The following GNPDA2 variants were observed in gnomAD, a reference collection of about 807,000 sequenced individuals.
GNPDA2 encodes glucosamine-6-phosphate deaminase 2.
In GNPDA2, 24 loss-of-function variants were observed where a neutral mutation model predicts 27.0. That is an observed-to-expected ratio of 0.89 (90% CI 0.64 to 1.25). The LOEUF (loss-of-function observed/expected upper bound fraction) is 1.25. GNPDA2 is among the 50% of genes most tolerant of loss of function. The pLI is 0.00. For missense variants in GNPDA2, 286 were observed against 335.1 expected (o/e 0.85, Z 1.14); for synonymous variants, 94 against 108.4 (o/e 0.87, Z 0.83).
intron 4 of GNPDA2, among the ~76,000 whole-genome samples, chr4:44,715,810 A>C (rs1717249438): frequency 6.6e-6 from 1 of 152,074 alleles, no homozygotes; most frequent in Non-Finnish European, 1.5e-5. Flanking sequence ...TCAAGAAAGT[A>C]AATGTTATTG....
chr4:44,718,689 A>G (rs1156594030), intron 2 of GNPDA2, among the ~76,000 whole-genome samples: 7 of 151,968 alleles, frequency 4.6e-5, no homozygotes, highest in African/African-American at 1.7e-4. Flanking sequence ...AAATTCTAAG[A>G]TTAGAAGCTT....
intron 2 of GNPDA2, among the ~76,000 whole-genome samples, chr4:44,719,341 C>G (rs1206166220): frequency 1.3e-5 from 2 of 151,688 alleles, no homozygotes; most frequent in African/African-American, 4.8e-5. Flanking sequence ...AAGTATTATA[C>G]AGAAATCTGA....
chr4:44,706,791 C>T (rs1246406731), intron 6 of GNPDA2: 1 of 151,654 alleles, frequency 6.6e-6, no homozygotes, highest in Non-Finnish European at 1.5e-5. Flanking sequence ...CAATAATATC[C>T]AAAAAATATA....
At chr4:44,710,611 C>T (rs1041745669) in intron 5 of GNPDA2, among the ~76,000 whole-genome samples, 13 of 152,138 alleles carry the variant, frequency 8.5e-5, no homozygotes, top group African/African-American at 3.1e-4. Context: ...GTGTAACTAG[C>T]ATTGCATCAT....
rs1379503575 is a variant in GNPDA2 at position 44,715,841 on chromosome 4, A to T, written c.409+1272T>A. 1.8e-4 allele frequency among the ~76,000 whole-genome samples: 28 copies of T among 152,036 alleles called. 1 individual carries two copies. Among genetic ancestry groups the T allele is most frequent in the Admixed American group, 1.8e-3 (28 of 15,262 alleles). On this transcript the variant is annotated intron_variant, in intron 4 of 6. Coordinates refer to ENST00000295448, the MANE Select transcript of GNPDA2 (RefSeq NM_138335.3). ...TATTGACTCTGCTAGGTAGAAGTAA[A>T]AACTATCTTAAAGAGAAGATTTCAG...
chr4:44,704,017 GGA>G, intron 6 of GNPDA2: 1 of 985,152 alleles, frequency 1.0e-6, no homozygotes, highest in Non-Finnish European at 1.2e-6. Flanking sequence ...TTACTGGATT[GGA>G]GAGATAGGTT....
At chr4:44,703,209 A>T (rs531683509) in intron 6 of GNPDA2, 67 bp from the exon 7 acceptor site, 1 of 1,549,516 alleles carries the variant, frequency 6.5e-7, no homozygotes, top group East Asian at 2.3e-5. Context: ...TACTTTAGAC[A>T]ACAAAGTATT....
In GNPDA2 at chr4:44,716,333, A is replaced by C. The variant is rs1717280165; in HGVS notation, c.409+780T>G. Among the ~76,000 whole-genome samples, 4 of 151,938 alleles carry C rather than the reference A, an allele frequency of 2.6e-5. No individual in the cohort carries two copies. In the South Asian group the frequency reaches 8.3e-4, roughly 31 times the overall value. On this transcript the variant is annotated intron_variant, in intron 4 of 6. Transcript: ENST00000295448. ...AGTTAATAATAAGTTATATACAGAT[A>C]ATTTACAGCATTAGTATTTTTAGTT...
At chr4:44,725,766 C>CACG (rs3046153) in intron 1 of GNPDA2, among the ~76,000 whole-genome samples, 112,994 of 151,852 alleles carry the variant, frequency 0.74, 43,563 homozygotes, top group Middle Eastern at 0.9. Context: ...TCTCTGGCAT[C>CACG]ACAAGACAGC....
chr4:44,718,315 A>G lies in GNPDA2; in HGVS notation c.220T>C (p.Tyr74His). 1 of 1,185,652 alleles carries G rather than the reference A, an allele frequency of 8.4e-7. No individual in the cohort carries two copies. Among genetic ancestry groups the G allele is most frequent in the Non-Finnish European group, 1.2e-6 (1 of 835,270 alleles). 73.4% of individuals were successfully genotyped at this position (1,185,652 alleles called of 1,614,324 possible). ...ATATTTAAGTATAGCTTACCTACAT[A>G]TTCATCCATATTAAAGGTCTTCACA... is the stretch of plus-strand genomic sequence containing the variant. ...KYVKTFNMDE[Y>H]VGLPRNHPES... Residue 74 changes from tyrosine (Y) to histidine (H), a missense_variant, in exon 3 of 7, where the codon TAT becomes CAT. Tyr to His is a moderately conservative substitution (Grantham distance 83). Transcript: ENST00000295448.
rs750318282 is a variant in GNPDA2, at chr4:44,702,056, T to C, written c.*1025A>G. The C allele has an allele frequency of 2.6e-4, 255 of 985,576 alleles. No homozygotes were observed. The highest frequency in any genetic ancestry group is 5.2e-4 in the Middle Eastern group (1 of 1,936). 61.1% of individuals were successfully genotyped at this position (985,576 alleles called of 1,614,324 possible). ...TTAACCTAACTCTCCTAATGCATGA[T>C]GGTAACAAACCCAAAATGAATGCAG... is the stretch of plus-strand genomic sequence containing the variant. On this transcript the variant is annotated 3_prime_UTR_variant, in exon 7 of 7. Transcript: ENST00000295448.
At chr4:44,723,568 T>C (rs974075644) in intron 1 of GNPDA2, among the ~76,000 whole-genome samples, 5 of 152,186 alleles carry the variant, frequency 3.3e-5, no homozygotes, top group Non-Finnish European at 7.3e-5. Flanking sequence ...CATGATTTCA[T>C]TTTCAATGGC....
intron 1 of GNPDA2, among the ~76,000 whole-genome samples, chr4:44,722,510 G>T (rs2109724275): frequency 6.6e-6 from 1 of 152,050 alleles, no homozygotes; most frequent in East Asian, 1.9e-4. Flanking sequence ...CATATTCGAG[G>T]ATTCAGCCAA....
intron 6 of GNPDA2, chr4:44,705,456 C>CTCTT: frequency 1.0e-6 from 1 of 985,094 alleles, no homozygotes; most frequent in Non-Finnish European, 1.2e-6. Context: ...ATACTGTGTC[C>CTCTT]TCTTGATGCA....
At chr4:44,722,473 T>G (rs1441164576) in intron 1 of GNPDA2, among the ~76,000 whole-genome samples, 2 of 152,196 alleles carry the variant, frequency 1.3e-5, no homozygotes, top group Non-Finnish European at 2.9e-5. Context: ...CTAGGTCATT[T>G]AAGTATAGTT....
chr4:44,711,258 T>G (rs968780456), intron 4 of GNPDA2, 121 bp from the exon 5 acceptor site: 14 of 525,440 alleles, frequency 2.7e-5, no homozygotes, highest in South Asian at 5.2e-5. Context: ...TTCCTATTAC[T>G]GCATTAAAAT....
chr4:44,722,613 G>C (rs994997377), intron 1 of GNPDA2, among the ~76,000 whole-genome samples: 10 of 152,058 alleles, frequency 6.6e-5, no homozygotes, highest in African/African-American at 2.4e-4. Flanking sequence ...AAACAATACA[G>C]TATAACAACT....
intron 3 of GNPDA2, among the ~76,000 whole-genome samples, 192 bp downstream of exon 3, chr4:44,718,117 C>G (rs1717427734): frequency 6.6e-6 from 1 of 151,808 alleles, no homozygotes; most frequent in African/African-American, 2.4e-5. Context: ...TTCTGTGCTA[C>G]TATCACAAAA....
intron 4 of GNPDA2, 44 bp from the exon 5 acceptor site, chr4:44,711,181 G>T: frequency 1.6e-6 from 2 of 1,240,046 alleles, no homozygotes; most frequent in South Asian, 4.6e-5. Flanking sequence ...AAGTAAATAG[G>T]TTTCACAAAG....
Sources: allele counts gnomAD v4.1 joint callset (sites outside exome capture counted in the v4.1 genomes callset), GRCh38; gene constraint gnomAD v4.1.1; transcripts MANE v1.5; gene names NCBI Gene and HGNC (gene_info 2026-07-23, HGNC 2026-07-21).